Variants in TMEM171 observed in about 807,000 individuals in gnomAD.
TMEM171 encodes the protein transmembrane protein 171, also known as proline-rich protein PRP2.
TMEM171 carries 16 observed loss-of-function variants against 19.1 expected under a neutral mutation model. The ratio of observed to expected loss-of-function variants is 0.84; its 90% CI spans 0.57 to 1.27. The LOEUF (loss-of-function observed/expected upper bound fraction) is 1.27, where lower values mean the gene tolerates loss of function less well. Among genes scored for constraint, TMEM171 ranks in the 50% most tolerant of loss-of-function variants. TMEM171 has a pLI of 0.00. For synonymous variants in TMEM171, 153 were observed against 163.4 expected (o/e 0.94, Z 0.48); for missense variants, 429 against 412.7 (o/e 1.04, Z -0.34).
chr5:73,125,867 T>C (rs1291134512), intron 2 of TMEM171, among the ~76,000 whole-genome samples: 1 of 152,192 alleles, frequency 6.6e-6, no homozygotes, highest in Non-Finnish European at 1.5e-5. Context: ...TCCTAATTCC[T>C]CTCCTTTGAT....
chr5:73,124,269 A>T (rs1744105302), intron 2 of TMEM171, among the ~76,000 whole-genome samples: 1 of 152,210 alleles, frequency 6.6e-6, no homozygotes, highest in African/African-American at 2.4e-5. Flanking sequence ...GATATTAAGT[A>T]GTGACCTTGA....
chr5:73,123,556 G>A lies in TMEM171; in HGVS notation c.183G>A (p.Val61=). The A allele has an allele frequency of 6.2e-7, 1 of 1,614,222 alleles. No individual in the cohort carries two copies. Among genetic ancestry groups the A allele is most frequent in the African/African-American group, 1.3e-5 (1 of 75,054 alleles). ...CAGACTGCCCCATGGTGCTCAAGGT[G>A]GCGGGGCCTGCATGTGCCGTGGTTG... The part of the protein sequence containing the change: ...PLPDCPMVLK[V]AGPACAVVGL... The change falls in exon 2 of 4, where the codon GTG becomes GTA. Residue 61 remains valine, a synonymous_variant. Transcript: ENST00000454765.
intron 3 of TMEM171, among the ~76,000 whole-genome samples, chr5:73,131,224 A>AGT (rs56793908): frequency 0.39 from 58,096 of 149,824 alleles, 11,195 homozygotes; most frequent in South Asian, 0.42. Context: ...GAGAACAGTA[A>AGT]GTGTGTGTGT....
chr5:73,127,379 AAAAAAATAT>A (rs952442092), intron 2 of TMEM171, among the ~76,000 whole-genome samples: 21 of 88,572 alleles, frequency 2.4e-4, no homozygotes, highest in African/African-American at 9.0e-4. Context: ...TAAAAAAAAA[AAAAAAATAT>A]ATATATATAT....
At position 73,131,565 on chromosome 5, in the gene TMEM171, C is replaced by T. The variant is rs760464341; in HGVS notation, c.810C>T (p.Ala270=). 24 of 1,609,016 alleles carry T rather than the reference C, an allele frequency of 1.5e-5. No homozygotes were observed. The African/African-American group carries it at 2.7e-4, about 18-fold the overall frequency. The change falls in exon 4 of 4, where the codon GCC becomes GCT. Residue 270 remains alanine (A), a synonymous_variant. Transcript: ENST00000454765. ...GGACCCCAACTTCAGAGGGTGCAGC[C>T]TCTGAAAGAGACTGTGAATCTATAT... ...YGRTPTSEGA[A]SERDCESIYT... is the part of the protein sequence containing the mutation.
rs141644326 is a variant in TMEM171, at chr5:73,124,011, T to A, written c.638T>A (p.Val213Glu). 18 of 1,532,130 alleles carry A rather than the reference T, an allele frequency of 1.2e-5. No homozygotes were observed. Among genetic ancestry groups the A allele is most frequent in the Non-Finnish European group, 1.6e-5 (18 of 1,141,106 alleles). The allele number at this position is 1,532,130 out of a possible 1,614,324, so 94.9% of individuals were successfully genotyped here. A position where few individuals can be genotyped will look rare whatever the true frequency, so the allele number is the denominator to read the frequency against. Residue 213 changes from valine to glutamate, a missense_variant and splice_region_variant, in exon 2 of 4, where the codon GTA becomes GAA. Val to Glu is a moderately radical substitution (Grantham distance 121). Coordinates refer to ENST00000454765, the MANE Select transcript of TMEM171 (RefSeq NM_173490.8). ...ATTATGGAGCCTGTCCAGGTCACTGTAGGTGGGTTGCTGTTATTTGCGTTC... is the reference window on the plus strand; with the variant it reads ...ATTATGGAGCCTGTCCAGGTCACTGAAGGTGGGTTGCTGTTATTTGCGTTC... ...IQIMEPVQVT[V>E]GDSVIIFPPP...
chr5:73,120,772 G>T (rs1451791347), intron 1 of TMEM171, 76 bp downstream of exon 1: 3 of 981,240 alleles, frequency 3.1e-6, no homozygotes, highest in South Asian at 4.7e-5. Flanking sequence ...GGCTGGGCGC[G>T]GGGAGCCGCG....
intron 3 of TMEM171, among the ~76,000 whole-genome samples, chr5:73,129,702 C>T (rs1012713579): frequency 6.6e-6 from 1 of 152,216 alleles, no homozygotes; most frequent in Non-Finnish European, 1.5e-5. Context: ...CAGGAGGCCC[C>T]TGCTATGCTA....
chr5:73,129,190 C>CAGCT (rs1744267657), intron 3 of TMEM171, among the ~76,000 whole-genome samples: 1 of 152,158 alleles, frequency 6.6e-6, no homozygotes, highest in Non-Finnish European at 1.5e-5. Flanking sequence ...CAAGCCTGAA[C>CAGCT]AGCTGCTCAA....
At chr5:73,130,071 C>T (rs1366682872) in intron 3 of TMEM171, among the ~76,000 whole-genome samples, 1 of 151,780 alleles carries the variant, frequency 6.6e-6, no homozygotes, top group Admixed American at 6.6e-5. Context: ...ACTGAGAAGA[C>T]GTGAGTGATG....
chr5:73,124,957 C>T (rs66969865), intron 2 of TMEM171, among the ~76,000 whole-genome samples: 14,980 of 152,246 alleles, frequency 0.098, 786 homozygotes, highest in South Asian at 0.15. Flanking sequence ...AAGAGATCTT[C>T]AGAACAGAAA....
intron 1 of TMEM171, among the ~76,000 whole-genome samples, chr5:73,121,069 G>C (rs1743995026): frequency 6.6e-6 from 1 of 152,150 alleles, no homozygotes; most frequent in Admixed American, 6.5e-5. Flanking sequence ...AGTGAATGTG[G>C]GTGTCTTTGT....
chr5:73,124,646 TC>T (rs1372745584), intron 2 of TMEM171, among the ~76,000 whole-genome samples: 2 of 152,152 alleles, frequency 1.3e-5, no homozygotes, highest in African/African-American at 4.8e-5. Context: ...TGTGACATCA[TC>T]CGTGGCTGCA....
Position 73,131,756 on chromosome 5 carries a change from A to G in TMEM171, c.*26A>G. ...ACTATGGACTCTAGTTCAGTTTTAT[A>G]TGCAATGGATCACTATTTTATTTAA... On this transcript the variant is annotated 3_prime_UTR_variant, in exon 4 of 4. Coordinates refer to ENST00000454765, the MANE Select transcript of TMEM171 (RefSeq NM_173490.8). The G allele has an allele frequency of 1.3e-6, 2 of 1,532,838 alleles. No individual in the cohort carries two copies. The highest frequency in any genetic ancestry group is 2.3e-5 in the East Asian group (1 of 43,292). 95.0% of individuals were successfully genotyped at this position (1,532,838 alleles called of 1,614,324 possible).
chr5:73,128,335 A>G lies in TMEM171; in HGVS notation c.641-55A>G. 3 of 1,585,852 alleles carry G rather than the reference A, an allele frequency of 1.9e-6. No homozygotes were observed. The South Asian group carries it at 3.4e-5, about 18-fold the overall frequency. ...ATATATAATTAATTTTGCTTTTGCT[A>G]ATTTGCTTCCATTTATTACCCACCT... On this transcript the variant is annotated intron_variant, in intron 2 of 3. Transcript: ENST00000454765.
intron 1 of TMEM171, 45 bp downstream of exon 1, chr5:73,120,741 G>A (rs1340800749): frequency 3.2e-5 from 31 of 983,784 alleles, no homozygotes; most frequent in Non-Finnish European, 3.6e-5. Context: ...GCGGCGGGTC[G>A]GGCGCTGAGC....
chr5:73,124,150 A>T, intron 2 of TMEM171, 137 bp downstream of exon 2: 1 of 729,172 alleles, frequency 1.4e-6, no homozygotes, highest in Non-Finnish European at 2.1e-6. Context: ...ACACGCACAC[A>T]CCCCCATCAT....
chr5:73,128,993 T>C lies in TMEM171; in HGVS notation c.782+462T>C, dbSNP rs139937174. Among the ~76,000 whole-genome samples, 693 of 152,302 alleles carry C rather than the reference T, an allele frequency of 4.6e-3. 3 individuals carry two copies. The highest frequency in any genetic ancestry group is 0.016 in the African/African-American group (655 of 41,562). On this transcript the variant is annotated intron_variant, in intron 3 of 3. Coordinates refer to ENST00000454765, the MANE Select transcript of TMEM171 (RefSeq NM_173490.8). Reference sequence around the variant, plus strand: ...CTGTAATCCTAGCTACTCGGGAGGCTGAGGCATGAGGATCGATTGAACGCA... The same window carrying C: ...CTGTAATCCTAGCTACTCGGGAGGCCGAGGCATGAGGATCGATTGAACGCA...
At chr5:73,123,161 C>A in intron 1 of TMEM171, 145 bp from the exon 2 acceptor site, 1 of 561,620 alleles carries the variant, frequency 1.8e-6, no homozygotes, top group Non-Finnish European at 2.9e-6. Context: ...CATAAACCAA[C>A]TCATTGTTCT....
Sources: gnomAD v4.1 joint callset for allele counts (sites outside exome capture counted in the v4.1 genomes callset) on GRCh38, gnomAD v4.1.1 for gene constraint, MANE v1.5 for transcripts, NCBI Gene and HGNC (gene_info 2026-07-23, HGNC 2026-07-21) for gene names.